Variants in TMEM50B observed in about 807,000 individuals in gnomAD.
TMEM50B encodes transmembrane protein 50B.
In TMEM50B, 14 loss-of-function variants were observed where a neutral mutation model predicts 23.4. The ratio of observed to expected loss-of-function variants is 0.60; its 90% CI spans 0.39 to 0.93. The LOEUF (loss-of-function observed/expected upper bound fraction) is 0.93, where lower values mean the gene tolerates loss of function less well. Among genes scored for constraint, TMEM50B ranks in the 40% least tolerant of loss-of-function variants. The pLI is 0.00. For synonymous variants in TMEM50B, 64 were observed against 62.3 expected, an observed-to-expected ratio of 1.03 and a Z score of -0.13; for missense variants, 159 against 193.0, an observed-to-expected ratio of 0.82 and a Z score of 1.04.
At chr21:33,433,842 A>G (rs1474565889) in intron 8 of TMEM50B, among the ~76,000 whole-genome samples, 1 of 150,454 alleles carries the variant, frequency 6.6e-6, no homozygotes, top group Non-Finnish European at 1.5e-5. Context: ...TGGCCTGGAG[A>G]TTGGCTGCAG....
intron 7 of TMEM50B, among the ~76,000 whole-genome samples, chr21:33,442,414 G>A (rs1353934768): frequency 2.6e-5 from 4 of 152,156 alleles, no homozygotes; most frequent in African/African-American, 4.8e-5. Flanking sequence ...AGAGCCACCC[G>A]TTGCTAAGGA....
chr21:33,441,075 C>CA (rs2084004562), intron 7 of TMEM50B, among the ~76,000 whole-genome samples: 1 of 151,628 alleles, frequency 6.6e-6, no homozygotes, highest in Non-Finnish European at 1.5e-5. Context: ...ACTAAAAATA[C>CA]AAAAATCAGC....
intron 1 of TMEM50B, among the ~76,000 whole-genome samples, chr21:33,476,772 A>C (rs968532795): frequency 2.6e-5 from 4 of 151,604 alleles, no homozygotes; most frequent in Admixed American, 1.3e-4. Context: ...AAAAAAAAAA[A>C]AAAAAAACAA....
At position 33,432,890 on chromosome 21, in the gene TMEM50B, CT is replaced by C. The variant is rs143248516; in HGVS notation, c.*2121-89del. Reference sequence around the variant, plus strand: ...AGAAGAGGTACGTGTGCACACATCTCTTTTTTTTTTTTTGAGACAGGGTCTT... The same window carrying C: ...AGAAGAGGTACGTGTGCACACATCTCTTTTTTTTTTTTGAGACAGGGTCTT... On this transcript the variant is annotated intron_variant and NMD_transcript_variant, in intron 8 of 8. Coordinates refer to the TMEM50B transcript ENST00000420455. 40,037 of 1,407,360 alleles carry C rather than the reference CT, an allele frequency of 0.028. 2 individuals carry two copies. The highest frequency in any genetic ancestry group is 0.044 in the South Asian group (3,308 of 74,776). 87.2% of individuals were successfully genotyped at this position (1,407,360 alleles called of 1,614,324 possible).
chr21:33,475,323 G>A (rs757472241), intron 1 of TMEM50B, among the ~76,000 whole-genome samples: 51 of 151,974 alleles, frequency 3.4e-4, no homozygotes, highest in Non-Finnish European at 6.0e-4. Context: ...TTGTACCTGA[G>A]ATAAAATTTG....
chr21:33,459,207 T>C (rs1009476096), intron 5 of TMEM50B, among the ~76,000 whole-genome samples: 1 of 152,230 alleles, frequency 6.6e-6, no homozygotes, highest in Non-Finnish European at 1.5e-5. Context: ...GGGTTCTATT[T>C]TTCATCACTA....
At chr21:33,437,182 A>C (rs1227268146) in intron 8 of TMEM50B, 3 of 536,650 alleles carry the variant, frequency 5.6e-6, no homozygotes, top group Non-Finnish European at 1.0e-5. Context: ...GATTTTACGG[A>C]GATATCCCAG....
chr21:33,468,066 TAA>T (rs3057402), intron 2 of TMEM50B, among the ~76,000 whole-genome samples: 6 of 131,392 alleles, frequency 4.6e-5, no homozygotes, highest in Admixed American at 8.0e-5. Flanking sequence ...CTCGTCTCTT[TAA>T]AAAAAAAAAA....
intron 6 of TMEM50B, 41 bp from the exon 7 acceptor site, chr21:33,450,904 G>A: frequency 6.5e-7 from 1 of 1,541,766 alleles, no homozygotes; most frequent in Non-Finnish European, 8.9e-7. Flanking sequence ...AAAAACCGAT[G>A]GAACAAGCAA....
At chr21:33,474,340 TTTC>T (rs2084346388) in intron 1 of TMEM50B, among the ~76,000 whole-genome samples, 1 of 152,062 alleles carries the variant, frequency 6.6e-6, no homozygotes, top group East Asian at 1.9e-4. Flanking sequence ...CCCAGCCAGT[TTTC>T]TTTTTTTTAA....
exon 9 of TMEM50B, chr21:33,432,663 T>C: frequency 6.3e-7 from 1 of 1,587,396 alleles, no homozygotes; most frequent in Non-Finnish European, 8.7e-7. Flanking sequence ...AACTGATGTT[T>C]GTGTTGTGCG....
At chr21:33,448,960 C>T (rs998160583), downstream of TMEM50B, 1 of 151,380 alleles carries the variant, frequency 6.6e-6, no homozygotes. Flanking sequence ...AAAACAGCCA[C>T]CATTTCCAGT....
chr21:33,436,794 A>G (rs756111712), intron 8 of TMEM50B: 10 of 1,601,136 alleles, frequency 6.2e-6, no homozygotes, highest in Non-Finnish European at 8.6e-6. Context: ...GAACTGGTAA[A>G]CTAATTACAA....
intron 1 of TMEM50B, among the ~76,000 whole-genome samples, chr21:33,477,625 G>A (rs533492356): frequency 2.1e-5 from 3 of 144,212 alleles, no homozygotes; most frequent in South Asian, 2.2e-4. Flanking sequence ...GGTTACCTGA[G>A]GTCAGGAGTT....
downstream of TMEM50B, among the ~76,000 whole-genome samples, chr21:33,444,681 C>T (rs9981203): frequency 0.77 from 116,910 of 151,554 alleles, 45,610 homozygotes; most frequent in East Asian, 0.98. Context: ...CCCAGCTACT[C>T]GGGAGGCTGA....
At chr21:33,475,015 C>T (rs1285557448) in intron 1 of TMEM50B, among the ~76,000 whole-genome samples, 1 of 150,722 alleles carries the variant, frequency 6.6e-6, no homozygotes, top group South Asian at 2.1e-4. Context: ...CAACCTCCAC[C>T]TCCCAGGTTC....
intron 1 of TMEM50B, among the ~76,000 whole-genome samples, chr21:33,470,245 G>A (rs1022254204): frequency 2.0e-5 from 3 of 152,022 alleles, no homozygotes; most frequent in African/African-American, 7.2e-5. Context: ...GCCGAGGCGG[G>A]TGGATCATTT....
chr21:33,477,653 T>C (rs963989088), intron 1 of TMEM50B, among the ~76,000 whole-genome samples: 1 of 147,970 alleles, frequency 6.8e-6, no homozygotes, highest in Non-Finnish European at 1.5e-5. Flanking sequence ...CTACTAAAAA[T>C]ACAAAAATTA....
intron 1 of TMEM50B, among the ~76,000 whole-genome samples, chr21:33,478,408 A>G (rs1475357821): frequency 6.6e-6 from 1 of 152,156 alleles, no homozygotes; most frequent in Non-Finnish European, 1.5e-5. Flanking sequence ...TGCAGGCTGC[A>G]GTGAGCAGAG....
Sources: allele counts gnomAD v4.1 joint callset (sites outside exome capture counted in the v4.1 genomes callset), GRCh38; gene constraint gnomAD v4.1.1; transcripts MANE v1.5; gene names NCBI Gene and HGNC (gene_info 2026-07-23, HGNC 2026-07-21).